The following DGKB variants were observed in gnomAD, a reference collection of about 807,000 sequenced individuals.
DGKB encodes the protein 90 kDa diacylglycerol kinase.
In DGKB, 67 loss-of-function variants were observed where a neutral mutation model predicts 114.3. That is an observed-to-expected ratio of 0.59 (90% CI 0.48 to 0.72). The LOEUF is 0.72. Ranked by LOEUF, DGKB falls within the 30% of genes least tolerant of loss-of-function variation. The pLI is 0.00. For missense variants in DGKB, 907 were observed against 975.2 expected (o/e 0.93, Z 0.93); for synonymous variants, 398 against 323.1 (o/e 1.23, Z -2.49).
intron 5 of DGKB, among the ~76,000 whole-genome samples, chr7:14,729,274 C>A (rs566719890): frequency 1.4e-5 from 2 of 144,584 alleles, no homozygotes; most frequent in Admixed American, 6.8e-5. Context: ...AGGCGCCTGC[C>A]ACCACATCCG....
intron 25 of DGKB, among the ~76,000 whole-genome samples, chr7:14,163,639 T>C (rs535403508): frequency 6.6e-6 from 1 of 152,284 alleles, no homozygotes; most frequent in African/African-American, 2.4e-5. Context: ...GCCAGTATGT[T>C]TCAAGGGGGC....
rs139660907 is a variant in DGKB at position 14,775,373 on chromosome 7, C to T, written c.71-17642G>A. On this transcript the variant is annotated intron_variant, in intron 2 of 25. Coordinates refer to ENST00000402815, the MANE Select transcript of DGKB (RefSeq NM_001350709.2). The stretch of plus-strand genomic sequence containing the variant: ...CAGTAAAATAAATGTGATATACATA[C>T]GTTGATATGGTTTGGCTGTGTCCCC... 1.1e-4 allele frequency among the ~76,000 whole-genome samples: 16 copies of T among 151,826 alleles called. No individual in the cohort carries two copies. In the East Asian group the frequency reaches 1.8e-3, roughly 17 times the overall value.
intron 4 of DGKB, among the ~76,000 whole-genome samples, chr7:14,744,645 T>C (rs557035621): frequency 6.6e-6 from 1 of 152,224 alleles, no homozygotes; most frequent in Non-Finnish European, 1.5e-5. Flanking sequence ...TAAAAGTGTA[T>C]GTAAGAATAA....
At chr7:14,309,733 C>T (rs1805059437) in intron 23 of DGKB, among the ~76,000 whole-genome samples, 1 of 152,184 alleles carries the variant, frequency 6.6e-6, no homozygotes, top group Non-Finnish European at 1.5e-5. Context: ...TTACTCTCAT[C>T]ACTCCCTCTG....
intron 2 of DGKB, among the ~76,000 whole-genome samples, chr7:14,828,238 A>G (rs1463181498): frequency 6.6e-6 from 1 of 152,124 alleles, no homozygotes; most frequent in Non-Finnish European, 1.5e-5. Flanking sequence ...GGAGTAATAT[A>G]TAGCCTAGTG....
At chr7:14,446,049 C>T (rs1460910315) in intron 21 of DGKB, among the ~76,000 whole-genome samples, 1 of 152,084 alleles carries the variant, frequency 6.6e-6, no homozygotes, top group Non-Finnish European at 1.5e-5. Flanking sequence ...AATTGAATAT[C>T]TAGTTCCCCT....
chr7:14,429,345 C>T (rs1322065988), intron 21 of DGKB, among the ~76,000 whole-genome samples: 1 of 151,994 alleles, frequency 6.6e-6, no homozygotes, highest in Non-Finnish European at 1.5e-5. Flanking sequence ...TGTGAGGATA[C>T]AAGGAGAAGA....
chr7:14,208,633 T>C (rs1243404366), intron 23 of DGKB, among the ~76,000 whole-genome samples: 1 of 152,054 alleles, frequency 6.6e-6, no homozygotes, highest in East Asian at 1.9e-4. Flanking sequence ...AGTAAAATAA[T>C]TCAAAACGAG....
intron 21 of DGKB, among the ~76,000 whole-genome samples, chr7:14,465,670 T>C (rs994105119): frequency 6.6e-6 from 1 of 151,964 alleles, no homozygotes; most frequent in South Asian, 2.1e-4. Context: ...AGAGGAGAAA[T>C]TTTCCTAAAG....
intron 23 of DGKB, among the ~76,000 whole-genome samples, chr7:14,222,840 G>A (rs543237136): frequency 6.6e-6 from 1 of 151,452 alleles, no homozygotes; most frequent in African/African-American, 2.4e-5. Flanking sequence ...TGTTGTTAGG[G>A]TATATATGTT....
chr7:14,936,819 A>T (rs1785293956), intron 1 of DGKB, among the ~76,000 whole-genome samples: 1 of 152,094 alleles, frequency 6.6e-6, no homozygotes, highest in African/African-American at 2.4e-5. Flanking sequence ...TAGGAATGTG[A>T]ACCTTGAGCA....
chr7:14,693,898 A>G (rs1823350847), intron 9 of DGKB, among the ~76,000 whole-genome samples, 177 bp downstream of exon 9: 1 of 152,176 alleles, frequency 6.6e-6, no homozygotes, highest in Non-Finnish European at 1.5e-5. Flanking sequence ...GTGTGTGGCA[A>G]GTATTACTAC....
At position 14,322,083 on chromosome 7, in the gene DGKB, G is replaced by C. The variant is rs1225289334; in HGVS notation, c.2122+16432C>G. On this transcript the variant is annotated intron_variant, in intron 23 of 25. Coordinates refer to ENST00000402815, the MANE Select transcript of DGKB (RefSeq NM_001350709.2). ...CTGTAGTACTGGCGTAAGGACTGATGAATCGACCCATAGGGTAGAACAGGT... is the reference window on the plus strand; with the variant it reads ...CTGTAGTACTGGCGTAAGGACTGATCAATCGACCCATAGGGTAGAACAGGT... Among the ~76,000 whole-genome samples the C allele has an allele frequency of 2.0e-5, 3 of 152,198 alleles. 1 individual carries two copies. Among genetic ancestry groups the C allele is most frequent in the South Asian group, 4.1e-4 (2 of 4,826 alleles).
chr7:14,580,937 C>T lies in DGKB; in HGVS notation c.1534G>A (p.Gly512Ser), dbSNP rs1799836153. 3 of 1,598,590 alleles carry T rather than the reference C, an allele frequency of 1.9e-6. No individual in the cohort carries two copies. The highest frequency in any genetic ancestry group is 1.3e-5 in the African/African-American group (1 of 74,654). The change falls in exon 19 of 26, where the codon GGC (glycine) becomes AGC (serine). Residue 512 changes from glycine to serine, a missense_variant. Coordinates refer to ENST00000402815, the MANE Select transcript of DGKB (RefSeq NM_001350709.2). ...AGAATCGCAACTGGAGGATGCTTGC[C>T]TACATTGGCCTTTTCTGCAGAATAA... is the stretch of plus-strand genomic sequence containing the variant. ...VLDCIEKANV[G>S]KHPPVAILPL...
At chr7:14,639,077 A>G (rs889392137) in intron 13 of DGKB, among the ~76,000 whole-genome samples, 5 of 152,072 alleles carry the variant, frequency 3.3e-5, no homozygotes, top group African/African-American at 1.2e-4. Context: ...AATTAAAAAA[A>G]ACACGAAGTG....
chr7:14,800,093 T>C (rs2128045872), intron 2 of DGKB, among the ~76,000 whole-genome samples: 1 of 152,210 alleles, frequency 6.6e-6, no homozygotes, highest in Admixed American at 6.5e-5. Context: ...ACTTTTTGTG[T>C]TTTTAGTAGA....
At chr7:14,611,150 G>A (rs1805474457) in intron 16 of DGKB, among the ~76,000 whole-genome samples, 1 of 152,014 alleles carries the variant, frequency 6.6e-6, no homozygotes, top group African/African-American at 2.4e-5. Context: ...CTTCTCTAAA[G>A]ACTTCTTGGT....
At chr7:14,875,818 T>G (rs921672570) in intron 1 of DGKB, among the ~76,000 whole-genome samples, 1 of 152,152 alleles carries the variant, frequency 6.6e-6, no homozygotes, top group East Asian at 1.9e-4. Flanking sequence ...AGGTTTTTTT[T>G]TTGTGATTTT....
chr7:14,652,606 T>C (rs1205660820), intron 13 of DGKB, among the ~76,000 whole-genome samples: 6 of 150,446 alleles, frequency 4.0e-5, no homozygotes, highest in African/African-American at 1.5e-4. Flanking sequence ...ACTTCCTGTC[T>C]AAAACACCAA....
Sources: allele counts gnomAD v4.1 joint callset (sites outside exome capture counted in the v4.1 genomes callset), GRCh38; gene constraint gnomAD v4.1.1; transcripts MANE v1.5; gene names NCBI Gene and HGNC (gene_info 2026-07-23, HGNC 2026-07-21).